Variants in TOP2A observed in about 807,000 individuals in gnomAD.
The protein encoded by TOP2A is DNA topoisomerase II alpha.
A neutral mutation model predicts 187.2 loss-of-function variants in TOP2A; 68 were observed. The observed-to-expected ratio is 0.36, with a 90% CI of 0.30 to 0.44. TOP2A has a LOEUF of 0.44. TOP2A is among the 20% of genes least tolerant of loss of function. The probability of loss-of-function intolerance (pLI) is 1.00; values close to 1 mark genes in which losing one functional copy is unlikely to be tolerated. For synonymous variants in TOP2A, 542 were observed against 593.2 expected (o/e 0.91, Z 1.25); for missense variants, 1,196 against 1,808.7 (o/e 0.66, Z 6.14).
chr17:40,392,125 A>T lies in TOP2A; in HGVS notation c.4089-14T>A, dbSNP rs2143622083. ...TTGTTACTAAGTCTAGAATTAAAAAAAAAAATCCTGACAACCAATTCTAAA... is the reference window on the plus strand; with the variant it reads ...TTGTTACTAAGTCTAGAATTAAAAATAAAAATCCTGACAACCAATTCTAAA... On this transcript the variant is annotated splice_polypyrimidine_tract_variant and intron_variant, in intron 31 of 34. Coordinates refer to ENST00000423485, the MANE Select transcript of TOP2A (RefSeq NM_001067.4). The T allele has an allele frequency of 6.2e-7, 1 of 1,610,936 alleles. No individual in the cohort carries two copies. The highest frequency in any genetic ancestry group is 8.5e-7 in the Non-Finnish European group (1 of 1,178,642).
At position 40,411,194 on chromosome 17, in the gene TOP2A, A is replaced by T; in HGVS notation, c.1118T>A (p.Phe373Tyr). Residue 373 changes from phenylalanine (F) to tyrosine (Y), a missense_variant, in exon 10 of 35, where the codon TTT (phenylalanine) becomes TAT (tyrosine). Around this residue, in one of 10 missense-constraint regions of TOP2A, gnomAD observed 252 missense variants for 434.8 expected, o/e 0.58. Transcript: ENST00000423485. This position sits in a 1 kb window ranked among gnomAD's most constrained non-coding sequence, Gnocchi z 4.4. ...FVNALIENPT[F>Y]DSQTKENMTL... The stretch of plus-strand genomic sequence containing the variant: ...CATGTTTTCTTTTGTCTGAGAGTCA[A>T]AGGTTGGGTTTTCAATTAAGGCATT... The T allele has an allele frequency of 1.9e-6, 3 of 1,613,604 alleles. No individual in the cohort carries two copies. The highest frequency in any genetic ancestry group is 2.5e-6 in the Non-Finnish European group (3 of 1,179,770).
intron 34 of TOP2A, 28 bp from the exon 35 acceptor site, chr17:40,389,675 C>CA: frequency 1.2e-6 from 2 of 1,600,688 alleles, no homozygotes; most frequent in Non-Finnish European, 1.7e-6. Context: ...AGGTAACTTG[C>CA]ACATTGTAAA....
chr17:40,411,267 A>C lies in TOP2A; in HGVS notation c.1066-21T>G. The C allele has an allele frequency of 1.9e-6, 3 of 1,612,122 alleles. No homozygotes were observed. The highest frequency in any genetic ancestry group is 2.2e-5 in the South Asian group (2 of 90,520). On this transcript the variant is annotated intron_variant, in intron 9 of 34. Coordinates refer to ENST00000423485, the MANE Select transcript of TOP2A (RefSeq NM_001067.4). The surrounding 1 kb of genome is among the most constrained non-coding windows in gnomAD (Gnocchi z 4.4). ...TTCACCTGCAATAGAAGTTGATATT[A>C]AGCCACTAAAAATGTACTCATGCTT... is the stretch of plus-strand genomic sequence containing the variant.
In TOP2A at chr17:40,401,167, G is replaced by A. The variant is rs2035175997; in HGVS notation, c.2433-86C>T. The A allele has an allele frequency of 6.0e-6, 7 of 1,171,430 alleles. No individual in the cohort carries two copies. In the East Asian group the frequency reaches 7.6e-5, roughly 13 times the overall value. The allele number at this position is 1,171,430 out of a possible 1,614,324, so 72.6% of individuals were successfully genotyped here. A position where few individuals can be genotyped will look rare whatever the true frequency, so the allele number is the denominator to read the frequency against. The stretch of plus-strand genomic sequence containing the variant: ...TATGGAAAGGACATGTATTATACAT[G>A]AAAATTATCTTGGTTTTACTTGCTG... On this transcript the variant is annotated intron_variant, in intron 20 of 34. Transcript: ENST00000423485.
At chr17:40,412,642 TCAAACAAA>T (rs367747137) in intron 7 of TOP2A, 109 bp downstream of exon 7, 91 of 888,064 alleles carry the variant, frequency 1.0e-4, no homozygotes, top group Middle Eastern at 3.3e-4. Flanking sequence ...AGACTCTGTC[TCAAACAAA>T]CAAACAAACA....
At position 40,389,640 on chromosome 17, in the gene TOP2A, T is replaced by C. The variant is rs978635075; in HGVS notation, c.4475A>G (p.Lys1492Arg). The C allele has an allele frequency of 2.5e-6, 4 of 1,608,668 alleles. No homozygotes were observed. In the African/African-American group the frequency reaches 4.0e-5, roughly 16 times the overall value. The change falls in exon 35 of 35, where the codon AAG becomes AGG. Residue 1492 changes from lysine (K) to arginine (R), a missense_variant. Physicochemically the swap from Lys to Arg is conservative, Grantham distance 26. Coordinates refer to ENST00000423485, the MANE Select transcript of TOP2A (RefSeq NM_001067.4). Reference protein sequence around the residue: ...VSKAVTSKKSKGESDDFHMDF... With the variant: ...VSKAVTSKKSRGESDDFHMDF... ...CATATGGAAGTCATCACTCTCCCCC[T>C]TGGATTTCTAAAAGAGAAAAGCCCA...
rs768199366 is a variant in TOP2A, at chr17:40,417,762, G to C, written c.21+9C>G. ...AGGCTCCACCGCCAGTCCCCCCCGCGAGCCGTACCTGCAATGGTGACACTT... is the reference window on the plus strand; with the variant it reads ...AGGCTCCACCGCCAGTCCCCCCCGCCAGCCGTACCTGCAATGGTGACACTT... On this transcript the variant is annotated intron_variant, in intron 1 of 34. Coordinates refer to ENST00000423485, the MANE Select transcript of TOP2A (RefSeq NM_001067.4). The C allele has an allele frequency of 6.2e-7, 1 of 1,613,164 alleles. No homozygotes were observed. Among genetic ancestry groups the C allele is most frequent in the Non-Finnish European group, 8.5e-7 (1 of 1,179,844 alleles).
In TOP2A at chr17:40,416,001, G is replaced by T. The variant is rs368552745; in HGVS notation, c.332+4C>A. 5.7e-6 allele frequency: 9 copies of T among 1,576,936 alleles called. No individual in the cohort carries two copies. The South Asian group carries it at 5.7e-5, about 10-fold the overall frequency. On this transcript the variant is annotated splice_donor_region_variant and intron_variant, in intron 4 of 34. Transcript: ENST00000423485. ...ACATAACAAAAACTAAGCAAAAGAC[G>T]TACGGATCAATTGTGACTCTAATAC...
At chr17:40,394,592 C>A (rs186825425) in intron 29 of TOP2A, among the ~76,000 whole-genome samples, 46 of 152,300 alleles carry the variant, frequency 3.0e-4, no homozygotes, top group African/African-American at 1.1e-3. Flanking sequence ...CTCAGCCTCC[C>A]AAAGTGCTGG....
rs2035132979 is a variant in TOP2A, at chr17:40,398,624, T to C, written c.3471A>G (p.Thr1157=). The C allele has an allele frequency of 1.3e-6, 2 of 1,596,924 alleles. No individual in the cohort carries two copies. Among genetic ancestry groups the C allele is most frequent in the Admixed American group, 1.8e-5 (1 of 56,834 alleles). ...AATCTGATGGACTCTTTCTTTTTAA[T>C]GTGTCCAGCTCTTGTTCCTTCATAA... The part of the protein sequence containing the change: ...LRNEKEQELD[T]LKRKSPSDLW... Residue 1157 remains threonine (T), a synonymous_variant, in exon 27 of 35, where the codon ACA becomes ACG. Transcript: ENST00000423485.
chr17:40,411,773 AC>A lies in TOP2A; in HGVS notation c.834del (p.Lys278AsnfsTer9). 1 of 1,608,874 alleles carries A rather than the reference AC, an allele frequency of 6.2e-7. No homozygotes were observed. The highest frequency in any genetic ancestry group is 8.5e-7 in the Non-Finnish European group (1 of 1,178,476). On this transcript the variant is annotated frameshift_variant, in exon 8 of 35. Coordinates refer to ENST00000423485, the MANE Select transcript of TOP2A (RefSeq NM_001067.4). LOFTEE classifies it high-confidence loss of function. The surrounding 1 kb of genome is among the most constrained non-coding windows in gnomAD (Gnocchi z 4.4). ...RSYVDMYLKD[K>X]LDETGNSLKV... ...TTCAAGGAGTTACCAGTTTCATCCA[AC>A]TTGTCCTTCAAATACATGTCCACAT...
chr17:40,390,129 T>C lies in TOP2A; in HGVS notation c.4303A>G (p.Arg1435Gly), dbSNP rs756026961. ...CTTTTAGTTCCTTTTGGGGCAGCCC[T>C]TTTTTTGGCACCGGTAGTGGAGGTG... ...SSTSTTGAKK[R>G]AAPKGTKRDP... The change falls in exon 34 of 35, where the codon AGG (arginine) becomes GGG (glycine). Residue 1435 changes from arginine (R) to glycine (G), a missense_variant. Around this residue, in one of 10 missense-constraint regions of TOP2A, gnomAD observed 374 missense variants for 403.3 expected, o/e 0.93. Transcript: ENST00000423485. 1.0e-4 allele frequency: 162 copies of C among 1,610,294 alleles called. No homozygotes were observed. The highest frequency in any genetic ancestry group is 1.6e-4 in the Middle Eastern group (1 of 6,068).
At chr17:40,408,217 C>A in intron 11 of TOP2A, 93 bp from the exon 12 acceptor site, 1 of 1,065,504 alleles carries the variant, frequency 9.4e-7, no homozygotes. Flanking sequence ...TGTGATAAAA[C>A]ACAATTTACT....
chr17:40,389,275 CAAAA>C lies in TOP2A; in HGVS notation c.*240_*243del. 2.8e-6 allele frequency: 1 copy of C among 359,004 alleles called. No homozygotes were observed. The highest frequency in any genetic ancestry group is 5.0e-6 in the Non-Finnish European group (1 of 198,478). 22.2% of individuals were successfully genotyped at this position (359,004 alleles called of 1,614,324 possible). On this transcript the variant is annotated 3_prime_UTR_variant, in exon 35 of 35. Coordinates refer to ENST00000423485, the MANE Select transcript of TOP2A (RefSeq NM_001067.4). ...GAACTTAAAAATCAGGTTTTAAAGA[CAAAA>C]GAAAGCAGACTCAAAACACAGACAA...
intron 27 of TOP2A, 131 bp from the exon 28 acceptor site, chr17:40,396,596 T>C: frequency 8.9e-7 from 1 of 1,127,240 alleles, no homozygotes. Flanking sequence ...CATAACCTAG[T>C]ATACTATCAA....
chr17:40,409,634 C>T (rs1033531988), intron 10 of TOP2A: 1 of 285,650 alleles, frequency 3.5e-6, no homozygotes, highest in African/African-American at 2.3e-5. Context: ...TGGTGCATGT[C>T]TGTAATCCCC....
At position 40,406,377 on chromosome 17, in the gene TOP2A, A is replaced by G; in HGVS notation, c.1953+7T>C. On this transcript the variant is annotated splice_region_variant and intron_variant, in intron 16 of 34. Transcript: ENST00000423485. ...TAGAATGTATATAAAATACAACTCA[A>G]ACCTACCAGGCTGATAGCAGCATCA... 3.7e-6 allele frequency: 6 copies of G among 1,602,940 alleles called. No individual in the cohort carries two copies. Among genetic ancestry groups the G allele is most frequent in the Non-Finnish European group, 5.1e-6 (6 of 1,172,880 alleles).
At position 40,416,472 on chromosome 17, in the gene TOP2A, CTA is replaced by C; in HGVS notation, c.216_217del (p.Tyr72Ter). 15 of 1,605,334 alleles carry C rather than the reference CTA, an allele frequency of 9.3e-6. No individual in the cohort carries two copies. Among genetic ancestry groups the C allele is most frequent in the Non-Finnish European group, 1.3e-5 (15 of 1,175,168 alleles). ...CAAACCAGGAACAAAAGTGACTTCC[CTA>C]TAGTTAATGCCAACATCTTCATCGT... On this transcript the variant is annotated stop_gained and frameshift_variant, in exon 3 of 35. Transcript: ENST00000423485. LOFTEE classifies it high-confidence loss of function.
chr17:40,395,529 G>A lies in TOP2A; in HGVS notation c.3731C>T (p.Thr1244Ile), dbSNP rs1323137496. Residue 1244 changes from threonine to isoleucine, a missense_variant, in exon 29 of 35, where the codon ACT becomes ATT. Physicochemically the swap from Thr to Ile is moderately conservative, Grantham distance 89. This residue lies in a region of TOP2A where 374 missense variants were observed against 403.3 expected (regional missense o/e 0.93). Coordinates refer to ENST00000423485, the MANE Select transcript of TOP2A (RefSeq NM_001067.4). ...KNKKKIKNEN[T>I]EGSPQEDGVE... The stretch of plus-strand genomic sequence containing the variant: ...ACCATCTTCTTGAGGGCTTCCTTCA[G>A]TATTTTCATTCTAAAAGATAGCAAA... 1.2e-6 allele frequency: 2 copies of A among 1,607,116 alleles called. No individual in the cohort carries two copies. Among genetic ancestry groups the A allele is most frequent in the Non-Finnish European group, 1.7e-6 (2 of 1,175,106 alleles).
Sources: gnomAD v4.1 joint callset for allele counts (sites outside exome capture counted in the v4.1 genomes callset) on GRCh38, gnomAD v4.1.1 for gene constraint, gnomAD v4.1.1 regional missense constraint, Gnocchi (gnomAD v3.1) non-coding constraint, MANE v1.5 for transcripts, NCBI Gene and HGNC (gene_info 2026-07-23, HGNC 2026-07-21) for gene names.